The following SIK2 variants were observed in gnomAD, a reference collection of about 807,000 sequenced individuals.
SIK2 encodes the protein serine/threonine-protein kinase SIK2.
SIK2 carries 29 observed loss-of-function variants against 103.2 expected under a neutral mutation model. The observed-to-expected ratio is 0.28, with a 90% CI of 0.21 to 0.38. The LOEUF (loss-of-function observed/expected upper bound fraction) is 0.38. Among genes scored for constraint, SIK2 ranks in the 10% least tolerant of loss-of-function variants. SIK2 has a pLI of 1.00. For missense variants in SIK2, 879 were observed against 1,171.0 expected (o/e 0.75, Z 3.64); for synonymous variants, 412 against 446.1 (o/e 0.92, Z 0.96).
chr11:111,685,051 A>C (rs1942827364), intron 3 of SIK2, among the ~76,000 whole-genome samples: 1 of 152,246 alleles, frequency 6.6e-6, no homozygotes, highest in Non-Finnish European at 1.5e-5. Flanking sequence ...TCCTGTCTTC[A>C]GGAAGCTTAA....
At chr11:111,659,464 C>G (rs939018104) in intron 3 of SIK2, among the ~76,000 whole-genome samples, 4 of 152,164 alleles carry the variant, frequency 2.6e-5, no homozygotes, top group African/African-American at 7.2e-5. Context: ...ATCGTGGGAA[C>G]CAGAAAGCTA....
chr11:111,716,906 C>T lies in SIK2; in HGVS notation c.1267-2869C>T, dbSNP rs117065570. On this transcript the variant is annotated intron_variant, in intron 9 of 14. Transcript: ENST00000304987. ...CATCTGACAAAGGTCTAATATCCAG[C>T]CCATAAGGAACTTAAACAAATTTAC... Among the ~76,000 whole-genome samples, 1,134 of 152,188 alleles carry T rather than the reference C, an allele frequency of 7.5e-3. 8 individuals carry two copies. Among genetic ancestry groups the T allele is most frequent in the Middle Eastern group, 0.061 (18 of 294 alleles).
At chr11:111,649,412 C>A (rs1942299690) in intron 3 of SIK2, among the ~76,000 whole-genome samples, 1 of 151,980 alleles carries the variant, frequency 6.6e-6, no homozygotes, top group Non-Finnish European at 1.5e-5. Context: ...GAATATATTA[C>A]TTACAGTACT....
At chr11:111,603,106 T>A (rs983520157) in intron 1 of SIK2, among the ~76,000 whole-genome samples, 3 of 152,028 alleles carry the variant, frequency 2.0e-5, no homozygotes, top group Non-Finnish European at 4.4e-5. Context: ...GTTCCCAGGC[T>A]GCGCCGTGAG....
chr11:111,663,250 G>A (rs936164858), intron 3 of SIK2, among the ~76,000 whole-genome samples: 7 of 150,666 alleles, frequency 4.6e-5, no homozygotes, highest in African/African-American at 9.8e-5. Context: ...AAAAAAAATA[G>A]TAGGGTAAAG....
intron 3 of SIK2, among the ~76,000 whole-genome samples, chr11:111,685,072 C>A (rs7924683): frequency 0.58 from 88,822 of 152,138 alleles, 29,886 homozygotes; most frequent in East Asian, 0.94. Context: ...ATGAAGTTGT[C>A]TTTAATACTT....
chr11:111,636,912 A>G (rs943056267), intron 3 of SIK2, among the ~76,000 whole-genome samples: 3 of 152,006 alleles, frequency 2.0e-5, no homozygotes, highest in Non-Finnish European at 4.4e-5. Context: ...AGCTTATAAG[A>G]TCTTCTTTTT....
Position 111,721,019 on chromosome 11 carries a change from C to T in SIK2, c.1901C>T (p.Pro634Leu), listed in dbSNP as rs754008329. 6.2e-6 allele frequency: 10 copies of T among 1,614,034 alleles called. No homozygotes were observed. Among genetic ancestry groups the T allele is most frequent in the Admixed American group, 3.3e-5 (2 of 60,010 alleles). The change falls in exon 12 of 15, where the codon CCG becomes CTG. Residue 634 changes from proline to leucine, a missense_variant. Physicochemically the swap from Pro to Leu is moderately conservative, Grantham distance 98. Coordinates refer to ENST00000304987, the MANE Select transcript of SIK2 (RefSeq NM_015191.3). ...CCGGAGGCAGACCCTAACCTGGCGC[C>T]GGCGGCTCCTCAGCTCCAGGACCTT... is the stretch of plus-strand genomic sequence containing the variant. ...IGPEADPNLA[P>L]AAPQLQDLAS...
At chr11:111,611,825 C>T (rs1941730333) in intron 1 of SIK2, among the ~76,000 whole-genome samples, 1 of 152,122 alleles carries the variant, frequency 6.6e-6, no homozygotes, top group Non-Finnish European at 1.5e-5. Flanking sequence ...GATTTTGTCT[C>T]TTATACTATG....
Position 111,722,127 on chromosome 11 carries a change from G to C in SIK2, c.2055+187G>C, listed in dbSNP as rs1287780904. Among the ~76,000 whole-genome samples, 1 of 152,186 alleles carries C rather than the reference G, an allele frequency of 6.6e-6. No homozygotes were observed. The highest frequency in any genetic ancestry group is 1.5e-5 in the Non-Finnish European group (1 of 68,036). On this transcript the variant is annotated intron_variant, in intron 13 of 14. Transcript: ENST00000304987. This position sits in a 1 kb window ranked among gnomAD's most constrained non-coding sequence, Gnocchi z 4.4. Reference sequence around the variant, plus strand: ...CAGATCTAGCTTTGTGCTGTGTGTTGGTGGTGGGAAAGGCTTTGTCCTCAA... The same window carrying C: ...CAGATCTAGCTTTGTGCTGTGTGTTCGTGGTGGGAAAGGCTTTGTCCTCAA...
Position 111,721,016 on chromosome 11 carries a change from C to G in SIK2, c.1898C>G (p.Ala633Gly). 2 of 1,614,066 alleles carry G rather than the reference C, an allele frequency of 1.2e-6. No individual in the cohort carries two copies. Among genetic ancestry groups the G allele is most frequent in the Non-Finnish European group, 1.7e-6 (2 of 1,179,964 alleles). Reference protein sequence around the residue: ...QIGPEADPNLAPAAPQLQDLA... With the variant: ...QIGPEADPNLGPAAPQLQDLA... The stretch of plus-strand genomic sequence containing the variant: ...GGACCGGAGGCAGACCCTAACCTGG[C>G]GCCGGCGGCTCCTCAGCTCCAGGAC... The change falls in exon 12 of 15, where the codon GCG becomes GGG. Residue 633 changes from alanine (A) to glycine (G), a missense_variant. Coordinates refer to ENST00000304987, the MANE Select transcript of SIK2 (RefSeq NM_015191.3).
chr11:111,630,754 C>A (rs1293578456), intron 3 of SIK2, among the ~76,000 whole-genome samples: 1 of 152,080 alleles, frequency 6.6e-6, no homozygotes, highest in African/African-American at 2.4e-5. Flanking sequence ...TAAGAGATCA[C>A]CAGTCACTTC....
At chr11:111,698,473 G>A (rs1013662744) in intron 4 of SIK2, among the ~76,000 whole-genome samples, 8 of 152,218 alleles carry the variant, frequency 5.3e-5, no homozygotes, top group Non-Finnish European at 8.8e-5. Flanking sequence ...GCCAGGTGGT[G>A]GCTCACACCT....
chr11:111,629,395 A>G (rs1046675026), intron 3 of SIK2, among the ~76,000 whole-genome samples: 1 of 152,212 alleles, frequency 6.6e-6, no homozygotes, highest in Non-Finnish European at 1.5e-5. Context: ...AGCACCTGTC[A>G]AGAATTCCTG....
chr11:111,675,900 G>A (rs1376412997), intron 3 of SIK2, among the ~76,000 whole-genome samples: 5 of 152,122 alleles, frequency 3.3e-5, no homozygotes, highest in African/African-American at 1.2e-4. Context: ...CCTCACCCTC[G>A]TCCCACCCTC....
intron 8 of SIK2, among the ~76,000 whole-genome samples, chr11:111,710,244 A>T (rs1943460474): frequency 6.6e-6 from 1 of 152,234 alleles, no homozygotes; most frequent in Non-Finnish European, 1.5e-5. Flanking sequence ...AAGTTGTTTA[A>T]CATCAGAAGT....
chr11:111,681,930 A>G (rs117683568), intron 3 of SIK2, among the ~76,000 whole-genome samples: 1 of 152,166 alleles, frequency 6.6e-6, no homozygotes, highest in Non-Finnish European at 1.5e-5. Flanking sequence ...AAATATGAAA[A>G]CTCAGGCTCT....
intron 9 of SIK2, 137 bp from the exon 10 acceptor site, chr11:111,719,638 C>T: frequency 2.4e-6 from 2 of 849,368 alleles, no homozygotes; most frequent in African/African-American, 1.7e-5. Context: ...TATGTGTTGT[C>T]ATGCATAATA....
At chr11:111,654,157 GT>G (rs1193761829) in intron 3 of SIK2, among the ~76,000 whole-genome samples, 3 of 152,110 alleles carry the variant, frequency 2.0e-5, no homozygotes, top group Non-Finnish European at 2.9e-5. Context: ...TTTCTTTATT[GT>G]TTTTTCAATT....
Sources: gnomAD v4.1 joint callset for allele counts (sites outside exome capture counted in the v4.1 genomes callset) on GRCh38, gnomAD v4.1.1 for gene constraint, Gnocchi (gnomAD v3.1) non-coding constraint, MANE v1.5 for transcripts, NCBI Gene and HGNC (gene_info 2026-07-23, HGNC 2026-07-21) for gene names.